The following PPAT variants were observed in gnomAD, a reference collection of about 807,000 sequenced individuals.
PPAT encodes amidophosphoribosyltransferase.
Under a neutral mutation model 60.2 loss-of-function variants are expected in PPAT, and 20 were observed. That is an observed-to-expected ratio of 0.33 (90% CI 0.23 to 0.48). The LOEUF is 0.48. Ranked by LOEUF, PPAT falls within the 20% of genes least tolerant of loss-of-function variation. The pLI is 0.99. For synonymous variants in PPAT, 194 were observed against 215.1 expected (o/e 0.90, Z 0.86); for missense variants, 349 against 629.6 (o/e 0.55, Z 4.77).
At chr4:56,419,565 T>A (rs1292714934) in intron 1 of PPAT, 1 of 533,206 alleles carries the variant, frequency 1.9e-6, no homozygotes, top group Admixed American at 6.4e-5. Flanking sequence ...TTATTTACCT[T>A]GTCTGATGTA....
chr4:56,405,713 G>A (rs1330457982), intron 3 of PPAT, among the ~76,000 whole-genome samples: 1 of 152,214 alleles, frequency 6.6e-6, no homozygotes, highest in Non-Finnish European at 1.5e-5. Context: ...CTCCACACTC[G>A]TTCCCACATA....
intron 1 of PPAT, among the ~76,000 whole-genome samples, chr4:56,428,284 A>G (rs1717398709): frequency 6.6e-6 from 1 of 152,228 alleles, no homozygotes; most frequent in Non-Finnish European, 1.5e-5. Context: ...TTTACAGATT[A>G]TAACAGTGAG....
At chr4:56,425,932 C>G (rs1717261132) in intron 1 of PPAT, among the ~76,000 whole-genome samples, 1 of 152,210 alleles carries the variant, frequency 6.6e-6, no homozygotes. Context: ...GCATTAACCT[C>G]TACACTTGAC....
rs60529646 is a variant in PPAT at position 56,406,827 on chromosome 4, G to A, written c.196-126C>T. On this transcript the variant is annotated intron_variant, in intron 2 of 10. Transcript: ENST00000264220. ...GTACATTTAATATCTCTGTGTTTCA[G>A]AATTCTAATCTAAAAAAAAGTCAAA... The A allele has an allele frequency of 1.7e-4, 120 of 704,712 alleles. No homozygotes were observed. In the African/African-American group the frequency reaches 1.9e-3, roughly 11 times the overall value. The allele number at this position is 704,712 out of a possible 1,614,324, so 43.7% of individuals were successfully genotyped here.
Position 56,403,053 on chromosome 4 carries a change from A to G in PPAT, c.648T>C (p.Asp216=), listed in dbSNP as rs751368413. The G allele has an allele frequency of 2.5e-6, 4 of 1,607,118 alleles. No individual in the cohort carries two copies. In the African/African-American group the frequency reaches 4.0e-5, roughly 16 times the overall value. ...AAAGTTTATTACCTTTGTCATTTAT[A>G]TCAGACACTGGAATAAGACGACCAA... The part of the protein sequence containing the change: ...LCIGRLIPVS[D]INDKEKKTSE... Residue 216 remains aspartate (D), a synonymous_variant, in exon 5 of 11, where the codon GAT becomes GAC. Coordinates refer to ENST00000264220, the MANE Select transcript of PPAT (RefSeq NM_002703.5).
intron 2 of PPAT, among the ~76,000 whole-genome samples, chr4:56,407,287 C>G (rs1189385606): frequency 1.3e-5 from 2 of 151,596 alleles, no homozygotes; most frequent in African/African-American, 2.4e-5. Flanking sequence ...GATCATCTGT[C>G]TTTGTTATCT....
At chr4:56,434,096 TA>T (rs942198830) in intron 1 of PPAT, among the ~76,000 whole-genome samples, 1 of 151,924 alleles carries the variant, frequency 6.6e-6, no homozygotes. Context: ...AAACTTTTTT[TA>T]AAAAAAACAA....
intron 1 of PPAT, among the ~76,000 whole-genome samples, chr4:56,428,500 T>C (rs1421018814): frequency 6.6e-6 from 1 of 152,126 alleles, no homozygotes; most frequent in African/African-American, 2.4e-5. Context: ...AATATGAATA[T>C]AGCATTTTAC....
intron 1 of PPAT, among the ~76,000 whole-genome samples, chr4:56,415,648 T>C (rs890835110): frequency 2.0e-5 from 3 of 152,216 alleles, no homozygotes; most frequent in African/African-American, 4.8e-5. Flanking sequence ...TATTTGATCA[T>C]ACATGCCAAA....
intron 5 of PPAT, among the ~76,000 whole-genome samples, chr4:56,402,609 G>A (rs747491372): frequency 1.3e-5 from 2 of 152,052 alleles, no homozygotes; most frequent in Non-Finnish European, 1.5e-5. Context: ...CTGAGGTCAG[G>A]AGTTTGAGAC....
Position 56,400,758 on chromosome 4 carries a change from A to C in PPAT, c.1014+26T>G, listed in dbSNP as rs754134600. 8.7e-6 allele frequency: 14 copies of C among 1,600,792 alleles called. No individual in the cohort carries two copies. In the South Asian group the frequency reaches 1.6e-4, roughly 18 times the overall value. On this transcript the variant is annotated intron_variant, in intron 8 of 10. Transcript: ENST00000264220. ...TATTCCACAGCTGGGAGAGCAATTC[A>C]CTGCATGTTAATTAAGAGAAAATAC... is the stretch of plus-strand genomic sequence containing the variant.
intron 1 of PPAT, among the ~76,000 whole-genome samples, chr4:56,427,305 G>A (rs1408549165): frequency 6.6e-6 from 1 of 152,082 alleles, no homozygotes; most frequent in Non-Finnish European, 1.5e-5. Context: ...CTGCAGTACT[G>A]TTTTTCCACA....
rs375764423 is a variant in PPAT at position 56,414,877 on chromosome 4, G to A, written c.129-7161C>T. ...TTCAACCAAATCTAAAACATTCCTC[G>A]ACAACATTTTAGCCTAAAGCAATTA... On this transcript the variant is annotated intron_variant, in intron 1 of 10. Coordinates refer to ENST00000264220, the MANE Select transcript of PPAT (RefSeq NM_002703.5). Among the ~76,000 whole-genome samples the A allele has an allele frequency of 1.6e-3, 250 of 152,084 alleles. 1 individual carries two copies. Among genetic ancestry groups the A allele is most frequent in the African/African-American group, 5.9e-3 (244 of 41,470 alleles).
intron 1 of PPAT, among the ~76,000 whole-genome samples, chr4:56,429,634 C>T (rs192711975): frequency 1.3e-5 from 2 of 152,290 alleles, no homozygotes; most frequent in East Asian, 3.9e-4. Context: ...AATAATCCAG[C>T]TTTAATGCCT....
intron 3 of PPAT, chr4:56,404,119 C>A (rs1375387134): frequency 8.1e-6 from 3 of 369,910 alleles, no homozygotes; most frequent in Non-Finnish European, 1.7e-5. Context: ...AATAGGAAAT[C>A]TAGAAGATTT....
chr4:56,407,574 T>C (rs1716277265), intron 2 of PPAT, 76 bp downstream of exon 2: 1 of 1,251,670 alleles, frequency 8.0e-7, no homozygotes. Flanking sequence ...TGCCTTGGCC[T>C]GCCAAAGTCC....
At chr4:56,432,340 C>T (rs528808773) in intron 1 of PPAT, among the ~76,000 whole-genome samples, 2 of 152,088 alleles carry the variant, frequency 1.3e-5, no homozygotes, top group East Asian at 3.9e-4. Context: ...CCAGCCTGGT[C>T]AACATGGTGA....
At chr4:56,405,952 T>C (rs1298946452) in intron 3 of PPAT, among the ~76,000 whole-genome samples, 1 of 152,174 alleles carries the variant, frequency 6.6e-6, no homozygotes. Context: ...CTTGTGGGAC[T>C]GAGCCCTTAA....
intron 1 of PPAT, among the ~76,000 whole-genome samples, chr4:56,409,837 C>A (rs973401264): frequency 2.0e-5 from 3 of 152,016 alleles, no homozygotes; most frequent in African/African-American, 4.8e-5. Flanking sequence ...AAAAAGGAAC[C>A]TTTTTCAAAA....
Sources: allele counts gnomAD v4.1 joint callset (sites outside exome capture counted in the v4.1 genomes callset), GRCh38; gene constraint gnomAD v4.1.1; transcripts MANE v1.5; gene names NCBI Gene and HGNC (gene_info 2026-07-23, HGNC 2026-07-21).